Variants in TVP23C observed in about 807,000 individuals in gnomAD.
The protein encoded by TVP23C is trans-golgi network vesicle protein 23 homolog C.
Under a neutral mutation model 28.7 loss-of-function variants are expected in TVP23C, and 19 were observed. The observed-to-expected ratio is 0.66, with a 90% CI of 0.46 to 0.97. TVP23C has a LOEUF of 0.97. Ranked by LOEUF, TVP23C falls within the 50% of genes least tolerant of loss-of-function variation. The probability of loss-of-function intolerance (pLI) is 0.00; values close to 1 mark genes in which losing one functional copy is unlikely to be tolerated. For synonymous variants in TVP23C, 68 were observed against 81.7 expected, an observed-to-expected ratio of 0.83 and a Z score of 0.90; for missense variants, 186 against 241.3, an observed-to-expected ratio of 0.77 and a Z score of 1.52.
intron 5 of TVP23C, among the ~76,000 whole-genome samples, chr17:15,518,813 C>T (rs1341349291): frequency 1.3e-5 from 2 of 152,134 alleles, no homozygotes; most frequent in Non-Finnish European, 2.9e-5. Context: ...TTCCTCAGGC[C>T]AAGTCACCTT....
chr17:15,549,387 G>A (rs574191706), intron 3 of TVP23C, among the ~76,000 whole-genome samples: 3 of 152,204 alleles, frequency 2.0e-5, no homozygotes, highest in Non-Finnish European at 4.4e-5. Context: ...CAAAGAAGAA[G>A]AGCTTTTGGG....
Position 15,540,572 on chromosome 17 carries a change from G to A in TVP23C, c.463-11C>T. The A allele has an allele frequency of 2.5e-6, 4 of 1,609,070 alleles. No individual in the cohort carries two copies. Among genetic ancestry groups the A allele is most frequent in the Admixed American group, 1.7e-5 (1 of 58,976 alleles). Reference sequence around the variant, plus strand: ...CATAATAACCACCGCCTGGGACAAGGGAAAAAAATAATCAACGGTTACTGG... The same window carrying A: ...CATAATAACCACCGCCTGGGACAAGAGAAAAAAATAATCAACGGTTACTGG... On this transcript the variant is annotated splice_polypyrimidine_tract_variant and intron_variant, in intron 5 of 5. Transcript: ENST00000518321.
chr17:15,561,265 AC>A (rs1370645815), intron 1 of TVP23C, among the ~76,000 whole-genome samples: 16 of 152,214 alleles, frequency 1.1e-4, no homozygotes, highest in Admixed American at 1.0e-3. Context: ...GCCTGGCAGC[AC>A]TAAGGGCTCG....
At chr17:15,523,312 T>C (rs1002194647) in intron 5 of TVP23C, among the ~76,000 whole-genome samples, 2 of 148,270 alleles carry the variant, frequency 1.3e-5, no homozygotes, top group Non-Finnish European at 3.0e-5. Context: ...GCCTTTTTTT[T>C]CTTTTTTTTT....
chr17:15,545,547 T>C (rs1207736299), intron 5 of TVP23C, among the ~76,000 whole-genome samples: 1 of 152,298 alleles, frequency 6.6e-6, no homozygotes, highest in East Asian at 1.9e-4. Flanking sequence ...TTACCAACCA[T>C]TATTTCCAGA....
Position 15,537,385 on chromosome 17 carries a change from G to T in TVP23C, c.*3027C>A. The T allele has an allele frequency of 3.0e-6, 3 of 984,738 alleles. No individual in the cohort carries two copies. The highest frequency in any genetic ancestry group is 3.6e-6 in the Non-Finnish European group (3 of 829,412). 61.0% of individuals were successfully genotyped at this position (984,738 alleles called of 1,614,324 possible). The stretch of plus-strand genomic sequence containing the variant: ...GAATAATGCTCTTTTAGTGGTAAAA[G>T]ATCTATTAGCTCAAGGTCCACTGAA... On this transcript the variant is annotated 3_prime_UTR_variant, in exon 6 of 6. Coordinates refer to ENST00000518321, the MANE Select transcript of TVP23C (RefSeq NM_001135036.2).
intron 5 of TVP23C, among the ~76,000 whole-genome samples, chr17:15,525,288 T>A (rs1459051695): frequency 6.6e-6 from 1 of 152,262 alleles, no homozygotes; most frequent in East Asian, 1.9e-4. Context: ...GGCTTCCTGC[T>A]GTCATAGCGT....
exon 6 of TVP23C, chr17:15,502,713 C>G: frequency 3.3e-6 from 4 of 1,209,264 alleles, no homozygotes; most frequent in Non-Finnish European, 4.4e-6. Context: ...CGTTCTTTCT[C>G]TCTCTCCTCT....
chr17:15,559,313 T>TAAAAAAAAAAAA (rs56346847), intron 1 of TVP23C, among the ~76,000 whole-genome samples: 1 of 105,162 alleles, frequency 9.5e-6, no homozygotes, highest in Non-Finnish European at 2.0e-5. Flanking sequence ...GGTACAGATT[T>TAAAAAAAAAAAA]AAAAAAAAAA....
intron 1 of TVP23C, among the ~76,000 whole-genome samples, chr17:15,559,715 A>G (rs1317929423): frequency 6.7e-6 from 1 of 148,180 alleles, no homozygotes; most frequent in African/African-American, 2.4e-5. Flanking sequence ...ATAGATTCCA[A>G]GTACATTTTA....
chr17:15,539,629 C>T lies in TVP23C; in HGVS notation c.*783G>A. The T allele has an allele frequency of 1.0e-6, 1 of 977,378 alleles. No homozygotes were observed. The highest frequency in any genetic ancestry group is 1.2e-6 in the Non-Finnish European group (1 of 823,578). 60.5% of individuals were successfully genotyped at this position (977,378 alleles called of 1,614,324 possible). On this transcript the variant is annotated 3_prime_UTR_variant, in exon 6 of 6. Transcript: ENST00000518321. ...AGAAAAAAAAAAAAAAAGACCTAGT[C>T]ACTTTTCCCAAGAGATTTAACCAAT...
intron 5 of TVP23C, among the ~76,000 whole-genome samples, chr17:15,512,685 G>A (rs933705643): frequency 4.6e-5 from 7 of 152,064 alleles, no homozygotes; most frequent in Non-Finnish European, 5.9e-5. Context: ...TTAAATAGCC[G>A]ATAGAAGATC....
exon 6 of TVP23C, chr17:15,502,929 T>C (rs971332075): frequency 6.2e-7 from 1 of 1,613,064 alleles, no homozygotes; most frequent in Non-Finnish European, 8.5e-7. Context: ...CTATTGGGAC[T>C]CTCCCCACCT....
chr17:15,558,610 A>G (rs1458929995), intron 1 of TVP23C, among the ~76,000 whole-genome samples: 1 of 148,274 alleles, frequency 6.7e-6, no homozygotes, highest in East Asian at 2.0e-4. Context: ...TGAAACAAGC[A>G]AAGTAGAGGT....
chr17:15,511,743 AT>A (rs1319724509), intron 5 of TVP23C, among the ~76,000 whole-genome samples: 7 of 151,932 alleles, frequency 4.6e-5, no homozygotes, highest in African/African-American at 1.7e-4. Context: ...ACTGTTATAT[AT>A]TTTTTCCTTT....
At chr17:15,545,748 T>C in intron 5 of TVP23C, 37 bp downstream of exon 5, 1 of 1,593,918 alleles carries the variant, frequency 6.3e-7, no homozygotes. Context: ...ATCAGACATC[T>C]TAATGGATTA....
chr17:15,514,705 A>C (rs72824497), intron 5 of TVP23C, among the ~76,000 whole-genome samples: 8,782 of 152,306 alleles, frequency 0.058, 310 homozygotes, highest in Non-Finnish European at 0.073. Context: ...AAGATTAAAC[A>C]CATAAAATAA....
At chr17:15,542,145 A>C (rs565531311) in intron 5 of TVP23C, among the ~76,000 whole-genome samples, 1 of 152,350 alleles carries the variant, frequency 6.6e-6, no homozygotes, top group African/African-American at 2.4e-5. Context: ...TCTGCAAAGA[A>C]GCTCTAAGGA....
chr17:15,502,810 CT>C (rs1372515953), exon 6 of TVP23C: 14 of 132,122 alleles, frequency 1.1e-4, no homozygotes, highest in South Asian at 9.8e-4. Context: ...CCTCTCTCTC[CT>C]CTCTCTCTCT....
Sources: allele counts gnomAD v4.1 joint callset (sites outside exome capture counted in the v4.1 genomes callset), GRCh38; gene constraint gnomAD v4.1.1; transcripts MANE v1.5; gene names NCBI Gene and HGNC (gene_info 2026-07-23, HGNC 2026-07-21).